STPG2: variants seen among roughly 807,000 people sequenced by gnomAD.
STPG2 encodes sperm tail PG-rich repeat containing 2, also known as sperm-tail PG-rich repeat-containing protein 2.
STPG2 carries 56 observed loss-of-function variants against 54.2 expected under a neutral mutation model. The observed-to-expected ratio is 1.03, with a 90% CI of 0.83 to 1.29. The LOEUF is 1.29. STPG2 is among the 50% of genes most tolerant of loss of function. The pLI, the probability that STPG2 is intolerant of heterozygous loss-of-function variation, is 0.00. For synonymous variants in STPG2, 200 were observed against 181.8 expected (o/e 1.10, Z -0.81); for missense variants, 596 against 544.9 (o/e 1.09, Z -0.93).
chr4:97,807,395 C>A (rs1245182402), intron 9 of STPG2, among the ~76,000 whole-genome samples: 1 of 151,916 alleles, frequency 6.6e-6, no homozygotes. Context: ...TAAAAACAAT[C>A]CTTAAATCCC....
At position 97,804,125 on chromosome 4, in the gene STPG2, T is replaced by A. The variant is rs192904214; in HGVS notation, c.1204+36648A>T. 4.1e-3 allele frequency among the ~76,000 whole-genome samples: 624 copies of A among 152,358 alleles called. 7 individuals are homozygous for A. The highest frequency in any genetic ancestry group is 0.034 in the Middle Eastern group (10 of 294). ...CCTTTATTTTCCAGTCTTTGTCATA[T>A]GCATAAAACATAGTTTCCAATTAAT... On this transcript the variant is annotated intron_variant, in intron 9 of 10. Transcript: ENST00000295268.
chr4:97,888,039 G>C (rs535097915), intron 8 of STPG2, among the ~76,000 whole-genome samples: 2 of 152,348 alleles, frequency 1.3e-5, no homozygotes, highest in African/African-American at 4.8e-5. Context: ...CAGAGTGCAA[G>C]AGTTGAGTCA....
chr4:97,577,755 T>C (rs1278721961), intron 10 of STPG2, among the ~76,000 whole-genome samples: 2 of 152,184 alleles, frequency 1.3e-5, no homozygotes, highest in Non-Finnish European at 2.9e-5. Context: ...AAATAGTTCA[T>C]CTTTTTCTTT....
chr4:97,922,904 C>T (rs190974766), intron 8 of STPG2, among the ~76,000 whole-genome samples: 5 of 152,244 alleles, frequency 3.3e-5, no homozygotes, highest in Non-Finnish European at 7.4e-5. Flanking sequence ...ATTTCTTTCT[C>T]TCATTATTTT....
intron 9 of STPG2, among the ~76,000 whole-genome samples, chr4:97,772,510 G>A (rs1726251311): frequency 6.6e-6 from 1 of 151,944 alleles, no homozygotes; most frequent in South Asian, 2.1e-4. Context: ...AACAATAAAG[G>A]CTTATCAAAA....
intron 9 of STPG2, among the ~76,000 whole-genome samples, chr4:97,745,705 A>G (rs971957092): frequency 6.6e-6 from 1 of 151,204 alleles, no homozygotes; most frequent in Admixed American, 6.6e-5. Flanking sequence ...GCTGATTTAC[A>G]TAGGACTATA....
intron 1 of STPG2, among the ~76,000 whole-genome samples, chr4:98,137,922 G>A (rs1203229468): frequency 6.6e-6 from 1 of 151,812 alleles, no homozygotes; most frequent in African/African-American, 2.4e-5. Context: ...GAGAAATATT[G>A]AGCACAAGTA....
chr4:97,938,092 TG>T (rs1732817153), intron 8 of STPG2, among the ~76,000 whole-genome samples: 1 of 152,108 alleles, frequency 6.6e-6, no homozygotes, highest in South Asian at 2.1e-4. Flanking sequence ...CTGGAGTTGC[TG>T]GAGTTCCTGC....
At chr4:97,515,450 G>A (rs977982885) in intron 4 of STPG2, among the ~76,000 whole-genome samples, 1 of 151,966 alleles carries the variant, frequency 6.6e-6, no homozygotes, top group Non-Finnish European at 1.5e-5. Context: ...TGCTTAGAGT[G>A]GGAAAGCAGA....
At chr4:97,838,761 A>T (rs1411245890) in intron 9 of STPG2, among the ~76,000 whole-genome samples, 1 of 151,590 alleles carries the variant, frequency 6.6e-6, no homozygotes, top group South Asian at 2.1e-4. Flanking sequence ...GATTAAATTT[A>T]AAAGGATAAT....
intron 5 of STPG2, among the ~76,000 whole-genome samples, chr4:98,031,870 G>A (rs1736611037): frequency 6.6e-6 from 1 of 151,822 alleles, no homozygotes; most frequent in Non-Finnish European, 1.5e-5. Context: ...AAGTCAGTAA[G>A]CAAAAAACAA....
intron 4 of STPG2, among the ~76,000 whole-genome samples, chr4:97,446,294 T>C (rs946480590): frequency 2.6e-5 from 4 of 152,230 alleles, no homozygotes; most frequent in Admixed American, 6.5e-5. Flanking sequence ...TACTGGCTAT[T>C]CTTGACCAGA....
chr4:97,585,028 C>T (rs1271454699), intron 10 of STPG2, among the ~76,000 whole-genome samples: 3 of 140,452 alleles, frequency 2.1e-5, no homozygotes, highest in Non-Finnish European at 4.6e-5. Flanking sequence ...CCAGTATTCC[C>T]CTAATACTAA....
At chr4:97,945,614 T>G (rs941846697) in intron 7 of STPG2, among the ~76,000 whole-genome samples, 9 of 152,216 alleles carry the variant, frequency 5.9e-5, no homozygotes, top group Admixed American at 3.3e-4. Context: ...GATCTATTTT[T>G]AGTTATCTAA....
chr4:97,938,915 C>T (rs556666628), intron 8 of STPG2, among the ~76,000 whole-genome samples: 12 of 151,880 alleles, frequency 7.9e-5, no homozygotes, highest in Admixed American at 2.0e-4. Context: ...TGGGTCTGCC[C>T]CTCCTTTTCA....
chr4:97,960,448 C>T (rs1392375067), intron 7 of STPG2, among the ~76,000 whole-genome samples: 1 of 152,014 alleles, frequency 6.6e-6, no homozygotes, highest in African/African-American at 2.4e-5. Context: ...ACCTAGAAAA[C>T]CCTAAAGACT....
At chr4:97,970,475 G>C (rs1051526265) in intron 7 of STPG2, among the ~76,000 whole-genome samples, 1 of 152,206 alleles carries the variant, frequency 6.6e-6, no homozygotes, top group East Asian at 1.9e-4. Flanking sequence ...CAGACCAATG[G>C]AACAGAACAG....
intron 4 of STPG2, among the ~76,000 whole-genome samples, chr4:97,507,908 T>C (rs972483400): frequency 1.3e-5 from 2 of 151,988 alleles, no homozygotes; most frequent in African/African-American, 4.8e-5. Flanking sequence ...TGGGGTTGTA[T>C]TACATAGGCA....
Position 97,558,971 on chromosome 4 carries a change from T to C in STPG2, c.*87A>G. On this transcript the variant is annotated 3_prime_UTR_variant, in exon 11 of 11. Coordinates refer to ENST00000295268, the MANE Select transcript of STPG2 (RefSeq NM_174952.3). Reference sequence around the variant, plus strand: ...GTGAAAATTATGCTTTTATTACTCCTATATTTGGAATAAATTTTGTTAAAA... The same window carrying C: ...GTGAAAATTATGCTTTTATTACTCCCATATTTGGAATAAATTTTGTTAAAA... The C allele has an allele frequency of 9.2e-7, 1 of 1,091,936 alleles. No individual in the cohort carries two copies. The highest frequency in any genetic ancestry group is 1.4e-6 in the Non-Finnish European group (1 of 726,910). 67.6% of individuals were successfully genotyped at this position (1,091,936 alleles called of 1,614,324 possible). A position where few individuals can be genotyped will look rare whatever the true frequency, so the allele number is the denominator to read the frequency against.
Sources: gnomAD v4.1 joint callset for allele counts (sites outside exome capture counted in the v4.1 genomes callset) on GRCh38, gnomAD v4.1.1 for gene constraint, MANE v1.5 for transcripts, NCBI Gene and HGNC (gene_info 2026-07-23, HGNC 2026-07-21) for gene names.